BMPR1B: variants seen among roughly 807,000 people sequenced by gnomAD.
BMPR1B encodes the protein bone morphogenetic protein receptor type-1B.
BMPR1B carries 12 observed loss-of-function variants against 59.1 expected under a neutral mutation model. That is an observed-to-expected ratio of 0.20 (90% CI 0.13 to 0.33). The LOEUF (loss-of-function observed/expected upper bound fraction) is 0.33. BMPR1B is among the 10% of genes least tolerant of loss of function. The pLI is 1.00. For synonymous variants in BMPR1B, 237 were observed against 207.3 expected, an observed-to-expected ratio of 1.14 and a Z score of -1.23; for missense variants, 550 against 610.9, an observed-to-expected ratio of 0.90 and a Z score of 1.05.
intron 3 of BMPR1B, among the ~76,000 whole-genome samples, chr4:95,027,430 AG>A (rs1252555974): frequency 6.6e-6 from 1 of 152,162 alleles, no homozygotes; most frequent in South Asian, 2.1e-4. Context: ...TGTGATTCTG[AG>A]GGGGAAACTC....
At position 94,770,182 on chromosome 4, in the gene BMPR1B, GTTTGT is replaced by G. The variant is rs1312990619; in HGVS notation, c.-183+12118_-183+12122del. Among the ~76,000 whole-genome samples, 27 of 40,008 alleles carry G rather than the reference GTTTGT, an allele frequency of 6.7e-4. 2 individuals are homozygous for G. The East Asian group carries it at 0.033, about 48-fold the overall frequency. The allele number at this position is 40,008 out of a possible 152,430, so 26.2% of individuals were successfully genotyped here. On this transcript the variant is annotated intron_variant, in intron 1 of 12. Transcript: ENST00000515059. ...TGTTTGAATTGTCCTTCGTTTCTGT[GTTTGT>G]TTTTTTTTTTTTTTTTTGCGAAAGC...
intron 3 of BMPR1B, among the ~76,000 whole-genome samples, chr4:95,084,005 C>T (rs1368184055): frequency 2.0e-5 from 3 of 151,944 alleles, no homozygotes; most frequent in Non-Finnish European, 2.9e-5. Context: ...TGACATTTTC[C>T]CCTTTCTCTA....
chr4:94,960,432 T>G (rs1297862458), intron 2 of BMPR1B, among the ~76,000 whole-genome samples: 1 of 152,132 alleles, frequency 6.6e-6, no homozygotes, highest in Non-Finnish European at 1.5e-5. Flanking sequence ...TCTTATATAG[T>G]CATAAGTCAT....
At chr4:94,909,981 G>A (rs780993433) in intron 2 of BMPR1B, among the ~76,000 whole-genome samples, 2 of 151,948 alleles carry the variant, frequency 1.3e-5, no homozygotes, top group Non-Finnish European at 2.9e-5. Context: ...CACCCTCATA[G>A]GAAACTGTAT....
chr4:95,138,851 GC>G, intron 10 of BMPR1B, among the ~76,000 whole-genome samples: 1 of 152,154 alleles, frequency 6.6e-6, no homozygotes, highest in Non-Finnish European at 1.5e-5. Flanking sequence ...AATGAGTTTG[GC>G]CATCCTCCTT....
intron 3 of BMPR1B, among the ~76,000 whole-genome samples, chr4:95,084,941 C>T (rs1729458284): frequency 6.6e-6 from 1 of 152,106 alleles, no homozygotes; most frequent in East Asian, 1.9e-4. Context: ...CCTACACCTG[C>T]TTGGAGTGTA....
intron 3 of BMPR1B, among the ~76,000 whole-genome samples, chr4:95,085,546 A>G (rs935452331): frequency 6.6e-6 from 1 of 152,204 alleles, no homozygotes; most frequent in African/African-American, 2.4e-5. Context: ...ACTCAAGTAG[A>G]GAGACACTTG....
At chr4:94,795,932 A>G (rs1342292042) in intron 1 of BMPR1B, among the ~76,000 whole-genome samples, 14 of 151,914 alleles carry the variant, frequency 9.2e-5, no homozygotes, top group South Asian at 2.1e-4. Flanking sequence ...GACGGTCAGC[A>G]AATTCAGTCA....
chr4:95,104,358 T>G (rs528297576), intron 3 of BMPR1B, 50 bp from the exon 4 acceptor site: 16 of 1,592,512 alleles, frequency 1.0e-5, no homozygotes, highest in Admixed American at 1.7e-5. Context: ...AACAGAAGAC[T>G]GGGGTAGTCT....
At chr4:94,893,418 G>T (rs1346162277) in intron 2 of BMPR1B, among the ~76,000 whole-genome samples, 2 of 151,914 alleles carry the variant, frequency 1.3e-5, no homozygotes, top group Non-Finnish European at 2.9e-5. Flanking sequence ...GTGTGAAGTG[G>T]ACTCTTCCCC....
intron 2 of BMPR1B, among the ~76,000 whole-genome samples, chr4:94,925,068 G>A (rs1399800498): frequency 1.3e-5 from 2 of 152,100 alleles, no homozygotes; most frequent in South Asian, 2.1e-4. Context: ...GATCATGCTT[G>A]TCCTCTCTGC....
chr4:94,920,184 C>T (rs574645732), intron 2 of BMPR1B, among the ~76,000 whole-genome samples: 1 of 152,240 alleles, frequency 6.6e-6, no homozygotes, highest in East Asian at 1.9e-4. Context: ...GGCATTTTGA[C>T]AAATTCTTTT....
intron 2 of BMPR1B, among the ~76,000 whole-genome samples, chr4:94,937,992 A>T (rs1163285950): frequency 6.6e-6 from 1 of 152,234 alleles, no homozygotes; most frequent in Admixed American, 6.5e-5. Flanking sequence ...GCAGATGTTG[A>T]TCATTTTAAT....
chr4:95,109,053 C>T (rs1731415989), intron 4 of BMPR1B, among the ~76,000 whole-genome samples: 1 of 152,036 alleles, frequency 6.6e-6, no homozygotes, highest in Non-Finnish European at 1.5e-5. Context: ...CATATCATTC[C>T]TTGTTTTACT....
chr4:94,797,174 A>C (rs1264816200), intron 1 of BMPR1B, among the ~76,000 whole-genome samples: 2 of 152,178 alleles, frequency 1.3e-5, no homozygotes, highest in Non-Finnish European at 2.9e-5. Flanking sequence ...AACCCATCAA[A>C]TCTCGTGAGA....
chr4:94,940,774 G>A (rs1197377864), intron 2 of BMPR1B, among the ~76,000 whole-genome samples: 1 of 152,144 alleles, frequency 6.6e-6, no homozygotes, highest in African/African-American at 2.4e-5. Flanking sequence ...TTGGTCTCCA[G>A]AATAGAGCCC....
At chr4:94,863,777 T>C (rs1269354564) in intron 1 of BMPR1B, among the ~76,000 whole-genome samples, 1 of 152,244 alleles carries the variant, frequency 6.6e-6, no homozygotes, top group Non-Finnish European at 1.5e-5. Context: ...ATTATACAAA[T>C]GAAAGAGGCA....
rs1020692373 is a variant in BMPR1B at position 94,894,811 on chromosome 4, C to A, written c.-113+18911C>A. 4.6e-5 allele frequency among the ~76,000 whole-genome samples: 7 copies of A among 151,536 alleles called. No homozygotes were observed. The South Asian group carries it at 8.3e-4, about 18-fold the overall frequency. ...GGGCGCTGAATACTGAGAGAAGCAG[C>A]TCTGTATGCTAGTTTGTTTTTTTTT... On this transcript the variant is annotated intron_variant, in intron 2 of 12. Coordinates refer to ENST00000515059, the MANE Select transcript of BMPR1B (RefSeq NM_001203.3).
At chr4:94,965,687 C>T (rs575029379) in intron 2 of BMPR1B, among the ~76,000 whole-genome samples, 1 of 152,250 alleles carries the variant, frequency 6.6e-6, no homozygotes, top group Non-Finnish European at 1.5e-5. Context: ...ATTTATCTGG[C>T]AGTACACTGA....
Sources: allele counts gnomAD v4.1 joint callset (sites outside exome capture counted in the v4.1 genomes callset), GRCh38; gene constraint gnomAD v4.1.1; transcripts MANE v1.5; gene names NCBI Gene and HGNC (gene_info 2026-07-23, HGNC 2026-07-21).